The following DNAH9 variants were observed in gnomAD, a reference collection of about 807,000 sequenced individuals.
DNAH9 encodes the protein DNAH9 variant protein.
A neutral mutation model predicts 471.6 loss-of-function variants in DNAH9; 345 were observed. The observed-to-expected ratio is 0.73, with a 90% CI of 0.67 to 0.80. The LOEUF (loss-of-function observed/expected upper bound fraction) is 0.80, where lower values mean the gene tolerates loss of function less well. Ranked by LOEUF, DNAH9 falls within the 30% of genes least tolerant of loss-of-function variation. The pLI is 0.00. For missense variants in DNAH9, 5,407 were observed against 5,609.2 expected (o/e 0.96, Z 1.15); for synonymous variants, 2,093 against 2,123.6 (o/e 0.99, Z 0.40).
chr17:11,700,955 G>A (rs932819001), intron 23 of DNAH9, among the ~76,000 whole-genome samples, 167 bp from the exon 24 acceptor site: 3 of 152,052 alleles, frequency 2.0e-5, no homozygotes, highest in East Asian at 1.9e-4. Context: ...TCACCATCCC[G>A]GATTACGTAA....
chr17:11,874,244 C>CAAAAAAAAAA (rs770328921), intron 52 of DNAH9, among the ~76,000 whole-genome samples: 2 of 106,424 alleles, frequency 1.9e-5, no homozygotes, highest in African/African-American at 3.6e-5. Flanking sequence ...GATTCCATCT[C>CAAAAAAAAAA]AAAAAAAAAA....
At chr17:11,652,678 A>C (rs917997157) in intron 13 of DNAH9, 83 bp from the exon 14 acceptor site, 2 of 1,306,552 alleles carry the variant, frequency 1.5e-6, no homozygotes, top group African/African-American at 3.0e-5. Context: ...GCAAGTATTA[A>C]ATCCCTGTCT....
chr17:11,641,910 G>A (rs1040886464), intron 10 of DNAH9, among the ~76,000 whole-genome samples: 14 of 152,086 alleles, frequency 9.2e-5, no homozygotes, highest in Non-Finnish European at 1.8e-4. Context: ...TTGCAATGGG[G>A]GTCTCAGCTG....
In DNAH9 at chr17:11,669,750, G is replaced by A; in HGVS notation, c.3309G>A (p.Trp1103Ter). ...KASLLNIIKR[W>*]SLLFKQHLVD... ...CTCTGCTGAATATTATTAAGAGGTGGAGCCTCCTGTTCAAACAGCATCTTG... is the reference window on the plus strand; with the variant it reads ...CTCTGCTGAATATTATTAAGAGGTGAAGCCTCCTGTTCAAACAGCATCTTG... The change falls in exon 17 of 69, where the codon TGG becomes TGA. Residue 1103 changes from tryptophan (W) to a stop codon, truncating the protein, a stop_gained. Transcript: ENST00000262442. LOFTEE classifies it high-confidence loss of function. 1 of 1,614,150 alleles carries A rather than the reference G, an allele frequency of 6.2e-7. No homozygotes were observed. Among genetic ancestry groups the A allele is most frequent in the Non-Finnish European group, 8.5e-7 (1 of 1,180,026 alleles).
rs11320846 is a variant in DNAH9 at position 11,670,706 on chromosome 17, A to ATTTT, written c.3353+923_3353+926dup. Among the ~76,000 whole-genome samples, 195 of 145,896 alleles carry ATTTT rather than the reference A, an allele frequency of 1.3e-3. 1 individual carries two copies. The highest frequency in any genetic ancestry group is 4.3e-3 in the African/African-American group (172 of 39,936). ...GAAACCCCAAGAACGCTTTGTGGGG[A>ATTTT]TTTTTTTTTTTTTTGAGATGCAGTT... On this transcript the variant is annotated intron_variant, in intron 17 of 68. Transcript: ENST00000262442.
At chr17:11,677,652 T>TA (rs1158809302) in intron 17 of DNAH9, among the ~76,000 whole-genome samples, 10 of 152,186 alleles carry the variant, frequency 6.6e-5, no homozygotes, top group Non-Finnish European at 7.4e-5. Flanking sequence ...CATTTTAATT[T>TA]AAATCTACCA....
At chr17:11,860,225 T>C (rs73980521) in intron 50 of DNAH9, among the ~76,000 whole-genome samples, 2 of 152,300 alleles carry the variant, frequency 1.3e-5, no homozygotes, top group East Asian at 3.9e-4. Context: ...CTCCCCAGAG[T>C]TTCTACTTTC....
intron 26 of DNAH9, among the ~76,000 whole-genome samples, chr17:11,708,024 G>C (rs370827314): frequency 7.0e-4 from 87 of 123,474 alleles, no homozygotes; most frequent in African/African-American, 2.5e-3. Context: ...CAGAGAGAGA[G>C]AGAGAGAGAG....
chr17:11,940,131 C>T (rs1974853451), intron 66 of DNAH9, among the ~76,000 whole-genome samples: 1 of 152,192 alleles, frequency 6.6e-6, no homozygotes, highest in African/African-American at 2.4e-5. Flanking sequence ...TATTACTTTT[C>T]CAGAAAGGAA....
At chr17:11,957,551 T>C (rs1267516258) in intron 67 of DNAH9, among the ~76,000 whole-genome samples, 1 of 143,514 alleles carries the variant, frequency 7.0e-6, no homozygotes, top group Non-Finnish European at 1.5e-5. Flanking sequence ...TTATGCCTCA[T>C]AGACCTCAGA....
At position 11,617,623 on chromosome 17, in the gene DNAH9, G is replaced by T; in HGVS notation, c.1116+1G>T. On this transcript the variant is annotated splice_donor_variant, in intron 5 of 68. Coordinates refer to ENST00000262442, the MANE Select transcript of DNAH9 (RefSeq NM_001372.4). LOFTEE classifies it high-confidence loss of function. ...GATTTGCAACCTTCTCATCCAGCAGGTGGGCTGCCCTGGGATGCCCAGCAA... is the reference window on the plus strand; with the variant it reads ...GATTTGCAACCTTCTCATCCAGCAGTTGGGCTGCCCTGGGATGCCCAGCAA... The T allele has an allele frequency of 6.2e-7, 1 of 1,613,322 alleles. No individual in the cohort carries two copies. Among genetic ancestry groups the T allele is most frequent in the Non-Finnish European group, 8.5e-7 (1 of 1,179,650 alleles).
In DNAH9 at chr17:11,742,272, A is replaced by T. The variant is rs779595249; in HGVS notation, c.6070A>T (p.Ile2024Phe). The change falls in exon 30 of 69, where the codon ATC becomes TTC. Residue 2024 changes from isoleucine to phenylalanine, a missense_variant. Ile to Phe is a conservative substitution (Grantham distance 21). Transcript: ENST00000262442. ...IEAQSLARKFITLYQLCKELL... is the reference protein window; with the variant it reads ...IEAQSLARKFFTLYQLCKELL... ...AGCCCAGTCATTAGCCAGAAAGTTC[A>T]TCACTCTTTACCAGTTGTGCAAAGA... 7.4e-6 allele frequency: 12 copies of T among 1,614,076 alleles called. No homozygotes were observed. The highest frequency in any genetic ancestry group is 1.0e-5 in the Non-Finnish European group (12 of 1,180,018).
rs75313043 is a variant in DNAH9, at chr17:11,957,132, A to G, written c.12844-4735A>G. On this transcript the variant is annotated intron_variant, in intron 67 of 68. Transcript: ENST00000262442. ...TAAAAGGATTATAAGAATATGAATA[A>G]TTTTCTGCAATTAAATTCAACTACT... is the stretch of plus-strand genomic sequence containing the variant. Among the ~76,000 whole-genome samples the G allele has an allele frequency of 4.2e-4, 64 of 152,262 alleles. 1 individual carries two copies. In the East Asian group the frequency reaches 0.012, roughly 28 times the overall value.
At chr17:11,704,789 G>A (rs548520688) in intron 25 of DNAH9, among the ~76,000 whole-genome samples, 1 of 152,186 alleles carries the variant, frequency 6.6e-6, no homozygotes, top group South Asian at 2.1e-4. Context: ...CTCCATGTTG[G>A]TCAGGCTGGT....
rs769327347 is a variant in DNAH9 at position 11,797,741 on chromosome 17, G to A, written c.8368G>A (p.Glu2790Lys). 14 of 1,614,232 alleles carry A rather than the reference G, an allele frequency of 8.7e-6. No individual in the cohort carries two copies. The highest frequency in any genetic ancestry group is 1.2e-5 in the Non-Finnish European group (14 of 1,180,038). The part of the protein sequence containing the change: ...TLVEALENHN[E>K]VNTVMDLVLF... ...GGTGGAGGCCTTGGAGAACCACAAT[G>A]AAGTCAACACAGTGATGGACCTAGT... The change falls in exon 43 of 69, where the codon GAA becomes AAA. Residue 2790 changes from glutamate (E) to lysine (K), a missense_variant. Glu to Lys is a moderately conservative substitution (Grantham distance 56, BLOSUM62 1). This residue lies in a region of DNAH9 where 4,636 missense variants were observed against 4,900.3 expected (regional missense o/e 0.95). Coordinates refer to ENST00000262442, the MANE Select transcript of DNAH9 (RefSeq NM_001372.4).
chr17:11,953,103 C>T (rs1184043683), intron 67 of DNAH9, among the ~76,000 whole-genome samples: 1 of 152,150 alleles, frequency 6.6e-6, no homozygotes, highest in African/African-American at 2.4e-5. Context: ...ACCTTAATTA[C>T]CTCCTTAAAG....
intron 59 of DNAH9, among the ~76,000 whole-genome samples, chr17:11,897,368 A>C (rs947793272): frequency 3.9e-5 from 6 of 152,206 alleles, no homozygotes; most frequent in Non-Finnish European, 5.9e-5. Flanking sequence ...TTAATAAAAC[A>C]AGTCCTATTT....
At chr17:11,831,846 G>GC (rs1429945769) in intron 48 of DNAH9, among the ~76,000 whole-genome samples, 1 of 152,130 alleles carries the variant, frequency 6.6e-6, no homozygotes, top group East Asian at 1.9e-4. Flanking sequence ...CACCACCACT[G>GC]CATTGTCATC....
chr17:11,915,293 A>G (rs1973910234), intron 61 of DNAH9, among the ~76,000 whole-genome samples: 1 of 152,136 alleles, frequency 6.6e-6, no homozygotes, highest in African/African-American at 2.4e-5. Context: ...TGGGAGGCCG[A>G]GGCAGGCAGA....
Sources: allele counts gnomAD v4.1 joint callset (sites outside exome capture counted in the v4.1 genomes callset), GRCh38; gene constraint gnomAD v4.1.1; regional missense constraint gnomAD v4.1.1; transcripts MANE v1.5; gene names NCBI Gene and HGNC (gene_info 2026-07-23, HGNC 2026-07-21).